SUMF1: variants seen among roughly 807,000 people sequenced by gnomAD.
SUMF1 encodes formylglycine-generating enzyme.
Under a neutral mutation model 47.6 loss-of-function variants are expected in SUMF1, and 48 were observed. The ratio of observed to expected loss-of-function variants is 1.01; its 90% confidence interval spans 0.80 to 1.28. The LOEUF is 1.28. Among genes scored for constraint, SUMF1 ranks in the 50% most tolerant of loss-of-function variants. The pLI, the probability that SUMF1 is intolerant of heterozygous loss-of-function variation, is 0.00. For synonymous variants in SUMF1, 230 were observed against 192.1 expected, an observed-to-expected ratio of 1.20 and a Z score of -1.63; for missense variants, 571 against 485.4, an observed-to-expected ratio of 1.18 and a Z score of -1.66.
intron 8 of SUMF1, among the ~76,000 whole-genome samples, chr3:4,226,510 T>G (rs1224351765): frequency 2.6e-5 from 4 of 152,006 alleles, no homozygotes; most frequent in African/African-American, 9.7e-5. Flanking sequence ...CCTCATGATT[T>G]GCCCACCTCG....
intron 8 of SUMF1, among the ~76,000 whole-genome samples, chr3:4,200,284 T>G (rs1695514240): frequency 6.6e-6 from 1 of 151,604 alleles, no homozygotes; most frequent in Non-Finnish European, 1.5e-5. Flanking sequence ...TTTCTGGGTG[T>G]GTCTGTTACA....
chr3:4,085,604 A>G (rs1692655219), intron 8 of SUMF1, among the ~76,000 whole-genome samples: 1 of 152,078 alleles, frequency 6.6e-6, no homozygotes, highest in South Asian at 2.1e-4. Context: ...AAACATAATT[A>G]AAACAAAAGT....
intron 8 of SUMF1, among the ~76,000 whole-genome samples, chr3:4,334,362 G>C (rs1699105214): frequency 6.6e-6 from 1 of 152,088 alleles, no homozygotes; most frequent in East Asian, 1.9e-4. Flanking sequence ...TTCAACCAAG[G>C]TTATAACAAC....
At chr3:4,427,802 T>C (rs1702113504) in intron 3 of SUMF1, among the ~76,000 whole-genome samples, 1 of 152,198 alleles carries the variant, frequency 6.6e-6, no homozygotes, top group South Asian at 2.1e-4. Context: ...GTGGAAATTC[T>C]AGGCAGAATT....
At chr3:4,384,729 C>G (rs1700615497) in intron 7 of SUMF1, among the ~76,000 whole-genome samples, 1 of 152,026 alleles carries the variant, frequency 6.6e-6, no homozygotes, top group Non-Finnish European at 1.5e-5. Context: ...AAATATTCAC[C>G]CACTGAAGGA....
chr3:4,252,488 T>G (rs1376705795), intron 8 of SUMF1, among the ~76,000 whole-genome samples: 1 of 152,154 alleles, frequency 6.6e-6, no homozygotes, highest in East Asian at 1.9e-4. Context: ...ACTGCTGAAC[T>G]TTCAAATATT....
At chr3:4,055,219 G>C (rs771463469) in intron 9 of SUMF1, among the ~76,000 whole-genome samples, 4 of 151,952 alleles carry the variant, frequency 2.6e-5, no homozygotes, top group Non-Finnish European at 5.9e-5. Context: ...ACAATGAAAC[G>C]GAAAAATGTG....
chr3:4,377,443 G>A (rs1700364867), intron 7 of SUMF1, among the ~76,000 whole-genome samples: 1 of 152,110 alleles, frequency 6.6e-6, no homozygotes, highest in Non-Finnish European at 1.5e-5. Flanking sequence ...TTAAGTTACT[G>A]GTAAAATAAG....
At chr3:4,247,885 A>G (rs1267313843) in intron 8 of SUMF1, among the ~76,000 whole-genome samples, 2 of 152,232 alleles carry the variant, frequency 1.3e-5, no homozygotes, top group Admixed American at 6.5e-5. Context: ...GAAAACTCAC[A>G]ACATATATGA....
intron 9 of SUMF1, among the ~76,000 whole-genome samples, chr3:4,050,387 G>A (rs1695085263): frequency 6.6e-6 from 1 of 151,876 alleles, no homozygotes; most frequent in South Asian, 2.1e-4. Context: ...GTTGCTTTCT[G>A]GGTCTCAATG....
chr3:4,321,470 TAAAAAAA>T (rs1206478992), intron 8 of SUMF1, among the ~76,000 whole-genome samples: 8 of 63,736 alleles, frequency 1.3e-4, no homozygotes, highest in African/African-American at 2.8e-4. Context: ...AAGGAAATGC[TAAAAAAA>T]AAAAAAAAAA....
At chr3:4,314,168 T>C (rs559624524) in intron 8 of SUMF1, 17 of 220,888 alleles carry the variant, frequency 7.7e-5, no homozygotes, top group African/African-American at 3.7e-4. Context: ...TCAACAAGGT[T>C]AAAAGGAGTC....
chr3:4,287,199 A>T (rs1435343375), intron 8 of SUMF1, among the ~76,000 whole-genome samples: 1 of 152,180 alleles, frequency 6.6e-6, no homozygotes, highest in African/African-American at 2.4e-5. Context: ...AACACAATGC[A>T]AAGCTTTCAG....
chr3:4,176,067 G>C (rs937693895), intron 8 of SUMF1, among the ~76,000 whole-genome samples: 1 of 152,178 alleles, frequency 6.6e-6, no homozygotes, highest in Non-Finnish European at 1.5e-5. Context: ...TTTGATTGTT[G>C]TACCTGAAAG....
chr3:4,196,648 T>C (rs770051863), intron 8 of SUMF1, among the ~76,000 whole-genome samples: 20 of 152,134 alleles, frequency 1.3e-4, no homozygotes, highest in Non-Finnish European at 2.6e-4. Flanking sequence ...TCTGACTTAA[T>C]GCTTTTCTAC....
chr3:4,147,856 C>T (rs1225842429), intron 8 of SUMF1, among the ~76,000 whole-genome samples: 2 of 152,110 alleles, frequency 1.3e-5, no homozygotes, highest in South Asian at 2.1e-4. Context: ...CTTCCCTGAT[C>T]TTAAGTTAGT....
At chr3:4,465,683 A>G (rs2079926426) in intron 1 of SUMF1, among the ~76,000 whole-genome samples, 1 of 152,192 alleles carries the variant, frequency 6.6e-6, no homozygotes, top group Non-Finnish European at 1.5e-5. Context: ...CAGGATGGAA[A>G]AACAATGAGA....
chr3:4,108,982 G>T (rs140245858), intron 8 of SUMF1, among the ~76,000 whole-genome samples: 13,588 of 151,908 alleles, frequency 0.089, 1,406 homozygotes, highest in African/African-American at 0.25. Flanking sequence ...GTTAGCTGGT[G>T]ATTTTGCTCA....
intron 8 of SUMF1, among the ~76,000 whole-genome samples, chr3:4,208,555 G>T (rs555477983): frequency 6.6e-6 from 1 of 151,724 alleles, no homozygotes; most frequent in Admixed American, 6.6e-5. Context: ...ATCAGACTAG[G>T]ATTTTTTTAA....
Sources: gnomAD v4.1 joint callset for allele counts (sites outside exome capture counted in the v4.1 genomes callset) on GRCh38, gnomAD v4.1.1 for gene constraint, MANE v1.5 for transcripts, NCBI Gene and HGNC (gene_info 2026-07-23, HGNC 2026-07-21) for gene names.